TRMT11: variants seen among roughly 807,000 people sequenced by gnomAD.
TRMT11 encodes tRNA (guanine(10)-N(2))-methyltransferase TRMT11.
TRMT11 carries 53 observed loss-of-function variants against 62.8 expected under a neutral mutation model. The ratio of observed to expected loss-of-function variants is 0.84; its 90% CI spans 0.68 to 1.06. The LOEUF is 1.06. Among genes scored for constraint, TRMT11 ranks in the 50% least tolerant of loss-of-function variants. TRMT11 has a pLI of 0.00. For synonymous variants in TRMT11, 188 were observed against 190.3 expected, an observed-to-expected ratio of 0.99 and a Z score of 0.10; for missense variants, 556 against 553.4, an observed-to-expected ratio of 1.00 and a Z score of -0.05.
intron 21 of TRMT11, among the ~76,000 whole-genome samples, chr6:126,160,474 A>G (rs2128228094): frequency 6.6e-6 from 1 of 152,194 alleles, no homozygotes; most frequent in East Asian, 1.9e-4. Context: ...TGGAGACTAG[A>G]AGGAAGGCAG....
At chr6:126,161,717 C>A (rs1057507262) in intron 21 of TRMT11, among the ~76,000 whole-genome samples, 79 of 152,200 alleles carry the variant, frequency 5.2e-4, no homozygotes, top group African/African-American at 1.8e-3. Flanking sequence ...AAAAGCATTC[C>A]TATTTCTCCA....
chr6:126,136,203 A>AT (rs578053238), intron 21 of TRMT11, among the ~76,000 whole-genome samples: 2,764 of 150,400 alleles, frequency 0.018, 81 homozygotes, highest in African/African-American at 0.064. Context: ...AATTATTATT[A>AT]TTTTTTTTTG....
At chr6:126,092,054 A>C (rs2128168462) in intron 17 of TRMT11, among the ~76,000 whole-genome samples, 1 of 152,332 alleles carries the variant, frequency 6.6e-6, no homozygotes, top group South Asian at 2.1e-4. Context: ...TTAAAATTTA[A>C]GGAGCTGTTC....
chr6:126,199,379 T>C (rs1204217278), intron 2 of TRMT11, among the ~76,000 whole-genome samples: 5 of 152,326 alleles, frequency 3.3e-5, no homozygotes, highest in East Asian at 1.9e-4. Flanking sequence ...GCTCAGGCTC[T>C]GCAGACATCT....
chr6:126,130,850 GAATCCGAGGTA>G (rs1777774372), intron 21 of TRMT11, among the ~76,000 whole-genome samples: 1 of 152,092 alleles, frequency 6.6e-6, no homozygotes, highest in Admixed American at 6.6e-5. Context: ...ATGAATGCTT[GAATCCGAGGTA>G]AATATGAGCC....
intron 1 of TRMT11, among the ~76,000 whole-genome samples, chr6:126,187,558 C>A (rs763360796): frequency 9.9e-5 from 15 of 151,980 alleles, no homozygotes; most frequent in Non-Finnish European, 1.8e-4. Context: ...CAATCTCAAT[C>A]ATAGTCTCAA....
chr6:126,003,370 A>T (rs988464256), intron 7 of TRMT11, among the ~76,000 whole-genome samples: 13 of 152,050 alleles, frequency 8.5e-5, no homozygotes, highest in Admixed American at 8.5e-4. Context: ...AAGCCAAAAG[A>T]TTGGACCCCT....
At chr6:126,136,434 A>C (rs1360471678) in intron 21 of TRMT11, among the ~76,000 whole-genome samples, 4 of 151,768 alleles carry the variant, frequency 2.6e-5, no homozygotes, top group Non-Finnish European at 3.0e-5. Context: ...AAAATATCAA[A>C]ATACAAATTT....
chr6:126,173,567 A>C (rs931371589), upstream of TRMT11, among the ~76,000 whole-genome samples: 1 of 152,204 alleles, frequency 6.6e-6, no homozygotes, highest in Non-Finnish European at 1.5e-5. Flanking sequence ...ACTGGTAAGC[A>C]GACCCCAGAG....
chr6:126,206,940 T>A (rs907722802), downstream of TRMT11, among the ~76,000 whole-genome samples: 3 of 152,226 alleles, frequency 2.0e-5, no homozygotes, highest in African/African-American at 7.2e-5. Flanking sequence ...CAAGTATCCT[T>A]GTTTCTATTT....
At chr6:125,995,351 C>G (rs1021136383) in intron 2 of TRMT11, among the ~76,000 whole-genome samples, 3 of 152,062 alleles carry the variant, frequency 2.0e-5, no homozygotes, top group African/African-American at 7.2e-5. Context: ...TGTGTTCTGG[C>G]AAGAGGTTAT....
chr6:126,093,585 G>GTATGTA (rs1554236807), intron 17 of TRMT11, among the ~76,000 whole-genome samples: 5 of 46,666 alleles, frequency 1.1e-4, no homozygotes, highest in South Asian at 9.7e-4. Flanking sequence ...GGATATGTAT[G>GTATGTA]TATATATATA....
chr6:126,034,190 T>G (rs183211007), intron 12 of TRMT11, among the ~76,000 whole-genome samples: 1 of 152,164 alleles, frequency 6.6e-6, no homozygotes, highest in African/African-American at 2.4e-5. Context: ...AGGCTACAAT[T>G]CTGGCAATGC....
chr6:126,158,913 C>T (rs910171920), intron 21 of TRMT11, among the ~76,000 whole-genome samples: 63 of 152,120 alleles, frequency 4.1e-4, no homozygotes, highest in African/African-American at 1.4e-3. Context: ...TGTCACTTCC[C>T]TCGTTGCCCA....
chr6:126,125,613 T>A (rs1423671696), intron 21 of TRMT11, among the ~76,000 whole-genome samples: 2 of 152,082 alleles, frequency 1.3e-5, no homozygotes, highest in Non-Finnish European at 2.9e-5. Context: ...ACAACAGACA[T>A]GGTCCCTGTC....
chr6:126,261,377 GT>G, the TRMT11 span, among the ~76,000 whole-genome samples: 4 of 151,902 alleles, frequency 2.6e-5, no homozygotes, highest in Non-Finnish European at 5.9e-5. Flanking sequence ...ATCTCACTGA[GT>G]TTTATTAAGA....
intron 8 of TRMT11, chr6:126,008,853 G>T: frequency 2.7e-6 from 1 of 366,496 alleles, no homozygotes; most frequent in Non-Finnish European, 5.3e-6. Flanking sequence ...TGTTGCTCAA[G>T]GGTCAACTGT....
chr6:126,020,907 T>G (rs1795718672), intron 11 of TRMT11, among the ~76,000 whole-genome samples: 1 of 152,244 alleles, frequency 6.6e-6, no homozygotes, highest in Admixed American at 6.5e-5. Flanking sequence ...TGTTTGGCAT[T>G]CTTCAACAAA....
At chr6:126,091,751 T>C (rs1332614797) in intron 17 of TRMT11, among the ~76,000 whole-genome samples, 4 of 152,206 alleles carry the variant, frequency 2.6e-5, no homozygotes, top group African/African-American at 9.7e-5. Flanking sequence ...ACTAGTTACA[T>C]TCTTTGACAT....
Sources: allele counts gnomAD v4.1 joint callset (sites outside exome capture counted in the v4.1 genomes callset), GRCh38; gene constraint gnomAD v4.1.1; transcripts MANE v1.5; gene names NCBI Gene and HGNC (gene_info 2026-07-23, HGNC 2026-07-21).